The following GOLGA4 variants were observed in gnomAD, a reference collection of about 807,000 sequenced individuals.
GOLGA4 encodes golgin A4, also known as golgin subfamily A member 4.
Under a neutral mutation model 265.9 loss-of-function variants are expected in GOLGA4, and 169 were observed. The observed-to-expected ratio is 0.64, with a 90% CI of 0.56 to 0.72. The LOEUF (loss-of-function observed/expected upper bound fraction) is 0.72, where lower values mean the gene tolerates loss of function less well. Among genes scored for constraint, GOLGA4 ranks in the 30% least tolerant of loss-of-function variants. The pLI, the probability that GOLGA4 is intolerant of heterozygous loss-of-function variation, is 0.00. For synonymous variants in GOLGA4, 923 were observed against 855.8 expected, an observed-to-expected ratio of 1.08 and a Z score of -1.37; for missense variants, 2,482 against 2,483.4, an observed-to-expected ratio of 1.00 and a Z score of 0.01.
At chr3:37,332,314 C>T (rs1229397657) in intron 16 of GOLGA4, among the ~76,000 whole-genome samples, 1 of 152,168 alleles carries the variant, frequency 6.6e-6, no homozygotes, top group Non-Finnish European at 1.5e-5. Flanking sequence ...TACCATCTCT[C>T]TTTTGGCTAA....
chr3:37,332,334 G>A (rs1300001257), intron 16 of GOLGA4, among the ~76,000 whole-genome samples: 2 of 152,014 alleles, frequency 1.3e-5, no homozygotes, highest in South Asian at 2.1e-4. Context: ...AAAAAAGATC[G>A]GGGCAGCGGG....
At chr3:37,282,943 A>C (rs1462211895) in intron 3 of GOLGA4, among the ~76,000 whole-genome samples, 4 of 152,168 alleles carry the variant, frequency 2.6e-5, no homozygotes, top group Admixed American at 2.6e-4. Flanking sequence ...TATGCAGTTA[A>C]AACAGTTCTT....
chr3:37,327,984 A>C (rs992668238), intron 14 of GOLGA4, among the ~76,000 whole-genome samples, 159 bp downstream of exon 14: 6 of 152,136 alleles, frequency 3.9e-5, no homozygotes, highest in Non-Finnish European at 8.8e-5. Flanking sequence ...GAGAAATAAA[A>C]ACAATTTAGG....
At position 37,324,235 on chromosome 3, in the gene GOLGA4, G is replaced by A. The variant is rs1404608254; in HGVS notation, c.2349G>A (p.Glu783=). The change falls in exon 14 of 24, where the codon GAG becomes GAA. Residue 783 remains glutamate, a synonymous_variant. Transcript: ENST00000361924. ...KEHQAHVENL[E]ADIKRSEGEL... The stretch of plus-strand genomic sequence containing the variant: ...ATCAGGCTCATGTAGAAAATTTAGA[G>A]GCAGATATTAAAAGGTCTGAAGGGG... 1 of 1,614,164 alleles carries A rather than the reference G, an allele frequency of 6.2e-7. No homozygotes were observed. Among genetic ancestry groups the A allele is most frequent in the Non-Finnish European group, 8.5e-7 (1 of 1,180,002 alleles).
chr3:37,304,665 G>T (rs1026073833), intron 10 of GOLGA4, among the ~76,000 whole-genome samples: 7 of 152,152 alleles, frequency 4.6e-5, no homozygotes, highest in African/African-American at 1.7e-4. Context: ...TTAATGAGGA[G>T]ATAGAAACTG....
chr3:37,295,155 G>A (rs1578553505), intron 6 of GOLGA4, 78 bp downstream of exon 6: 3 of 756,990 alleles, frequency 4.0e-6, no homozygotes, highest in Admixed American at 3.0e-5. Context: ...TATCTGCAAG[G>A]TTGCAAAAGT....
At chr3:37,345,249 AC>A (rs1430602409) in intron 20 of GOLGA4, among the ~76,000 whole-genome samples, 1 of 152,064 alleles carries the variant, frequency 6.6e-6, no homozygotes, top group Non-Finnish European at 1.5e-5. Context: ...GTAATCTTGC[AC>A]CCCTTTTATT....
At chr3:37,260,869 TG>T (rs1238618727) in intron 2 of GOLGA4, among the ~76,000 whole-genome samples, 3 of 151,954 alleles carry the variant, frequency 2.0e-5, no homozygotes, top group Non-Finnish European at 2.9e-5. Flanking sequence ...TTTTTTCACA[TG>T]GGAAAGGACT....
At chr3:37,252,773 T>C (rs1322559239) in intron 2 of GOLGA4, among the ~76,000 whole-genome samples, 1 of 152,208 alleles carries the variant, frequency 6.6e-6, no homozygotes, top group Admixed American at 6.5e-5. Context: ...TTTGATGTCT[T>C]TTGTGAGTGC....
chr3:37,252,317 CTT>C (rs34906290), intron 2 of GOLGA4, among the ~76,000 whole-genome samples: 6 of 138,202 alleles, frequency 4.3e-5, no homozygotes, highest in East Asian at 2.2e-4. Context: ...TGCTTGCTTC[CTT>C]TTTTTTTTTT....
At chr3:37,251,544 C>A in intron 2 of GOLGA4, 60 bp downstream of exon 2, 1 of 1,033,182 alleles carries the variant, frequency 9.7e-7, no homozygotes, top group Non-Finnish European at 1.5e-6. Flanking sequence ...AAAATGTATG[C>A]TGTTGATAAC....
chr3:37,289,154 T>G, intron 4 of GOLGA4, 81 bp from the exon 5 acceptor site: 1 of 754,686 alleles, frequency 1.3e-6, no homozygotes, highest in East Asian at 2.6e-5. Flanking sequence ...ATTTTAAAAA[T>G]AATTATTTTT....
In GOLGA4 at chr3:37,324,843, A is replaced by G. The variant is rs1445602016; in HGVS notation, c.2957A>G (p.Glu986Gly). ...GAAGCCAAACTTAAGAAAGAGCTTG[A>G]AAATACTGCTCTAGAGCTTAGTCAG... ...DQEAKLKKEL[E>G]NTALELSQKE... The change falls in exon 14 of 24, where the codon GAA (glutamate) becomes GGA (glycine). Residue 986 changes from glutamate to glycine, a missense_variant. Glu to Gly is a moderately conservative substitution (Grantham distance 98). Transcript: ENST00000361924. 13 of 1,585,162 alleles carry G rather than the reference A, an allele frequency of 8.2e-6. No homozygotes were observed. The highest frequency in any genetic ancestry group is 1.0e-5 in the Non-Finnish European group (12 of 1,172,762).
chr3:37,250,029 C>G (rs1235916490), intron 1 of GOLGA4: 1 of 152,222 alleles, frequency 6.6e-6, no homozygotes, highest in Non-Finnish European at 1.5e-5. Flanking sequence ...TGATGGAGCT[C>G]AGGTTACCCT....
At chr3:37,329,116 C>G (rs1033208564) in intron 16 of GOLGA4, 23 bp downstream of exon 16, 8 of 1,560,808 alleles carry the variant, frequency 5.1e-6, no homozygotes, top group Middle Eastern at 2.1e-4. Context: ...TTTCTTCTCT[C>G]TCACTTTTGA....
At chr3:37,366,059 C>G in intron 23 of GOLGA4, 21 bp from the exon 24 acceptor site, 1 of 1,526,584 alleles carries the variant, frequency 6.6e-7, no homozygotes, top group Non-Finnish European at 8.8e-7. Flanking sequence ...TCTTTATTCT[C>G]TTTTCCTTTT....
intron 2 of GOLGA4, chr3:37,266,736 G>A (rs1479386309): frequency 2.5e-6 from 1 of 404,356 alleles, no homozygotes; most frequent in South Asian, 1.9e-5. Context: ...CCATTATAGT[G>A]TTATGCATGC....
intron 10 of GOLGA4, among the ~76,000 whole-genome samples, chr3:37,307,362 T>C (rs982701937): frequency 3.9e-5 from 6 of 152,258 alleles, no homozygotes; most frequent in Admixed American, 1.3e-4. Context: ...GTTTAAATAA[T>C]GTGTAAGATT....
chr3:37,314,636 G>A (rs1041430589), intron 10 of GOLGA4, among the ~76,000 whole-genome samples: 1 of 84,070 alleles, frequency 1.2e-5, no homozygotes. Context: ...GCAAGACTCC[G>A]TCTCAAACAC....
Sources: gnomAD v4.1 joint callset for allele counts (sites outside exome capture counted in the v4.1 genomes callset) on GRCh38, gnomAD v4.1.1 for gene constraint, MANE v1.5 for transcripts, NCBI Gene and HGNC (gene_info 2026-07-23, HGNC 2026-07-21) for gene names.